The following CDKL1 variants were observed in gnomAD, a reference collection of about 807,000 sequenced individuals.
CDKL1 encodes cyclin-dependent kinase-like 1.
CDKL1 carries 41 observed loss-of-function variants against 42.0 expected under a neutral mutation model. The observed-to-expected ratio is 0.98, with a 90% CI of 0.76 to 1.27. The LOEUF (loss-of-function observed/expected upper bound fraction) is 1.27. Among genes scored for constraint, CDKL1 ranks in the 50% most tolerant of loss-of-function variants. The pLI, the probability that CDKL1 is intolerant of heterozygous loss-of-function variation, is 0.00. For missense variants in CDKL1, 394 were observed against 428.4 expected, an observed-to-expected ratio of 0.92 and a Z score of 0.71; for synonymous variants, 153 against 158.6, an observed-to-expected ratio of 0.96 and a Z score of 0.26.
At chr14:50,376,197 C>A in intron 2 of CDKL1, 1 of 281,242 alleles carries the variant, frequency 3.6e-6, no homozygotes, top group Non-Finnish European at 7.5e-6. Flanking sequence ...GTAACTATAC[C>A]ATGCTAATAT....
At chr14:50,372,262 C>T (rs1351457125) in intron 2 of CDKL1, among the ~76,000 whole-genome samples, 6 of 152,124 alleles carry the variant, frequency 3.9e-5, no homozygotes, top group Admixed American at 1.3e-4. Flanking sequence ...GGATTACAGG[C>T]GTGCACCACC....
Position 50,340,683 on chromosome 14 carries a change from G to A in CDKL1, c.655+349C>T, listed in dbSNP as rs959687054. 7.2e-5 allele frequency among the ~76,000 whole-genome samples: 11 copies of A among 152,260 alleles called. 1 individual carries two copies. The South Asian group carries it at 1.2e-3, about 17-fold the overall frequency. On this transcript the variant is annotated intron_variant, in intron 6 of 9. Transcript: ENST00000395834. ...GGACATCCAAATGGATTACCCCATCGTCATAAACAAGGTAAACCATGAAAG... is the reference window on the plus strand; with the variant it reads ...GGACATCCAAATGGATTACCCCATCATCATAAACAAGGTAAACCATGAAAG...
Position 50,327,267 on chromosome 14 carries a change from CGAG to C in CDKL1, c.*2804_*2806del, listed in dbSNP as rs1206498631. On this transcript the variant is annotated 3_prime_UTR_variant, in exon 10 of 10. Transcript: ENST00000395834. ...GGAGGATCAGTTGAGCCCGGGAAGT[CGAG>C]GCTGCAGTGAGCCATGTTGGCACCA... is the stretch of plus-strand genomic sequence containing the variant. 1 of 148,960 alleles carries C rather than the reference CGAG, an allele frequency of 6.7e-6. No homozygotes were observed. The highest frequency in any genetic ancestry group is 1.5e-5 in the Non-Finnish European group (1 of 67,618). The allele number at this position is 148,960 out of a possible 1,614,324, so 9.2% of individuals were successfully genotyped here.
chr14:50,362,888 A>C (rs539934019), intron 2 of CDKL1: 1 of 426,466 alleles, frequency 2.3e-6, no homozygotes, highest in Admixed American at 2.4e-5. Context: ...GTGGCAACCT[A>C]CCCTGGGCAC....
At chr14:50,382,628 TCTGTCACC>T (rs1387229232) in intron 2 of CDKL1, among the ~76,000 whole-genome samples, 2 of 141,778 alleles carry the variant, frequency 1.4e-5, no homozygotes, top group African/African-American at 5.3e-5. Context: ...AGGGTCTCAC[TCTGTCACC>T]CAGGTGGGAG....
chr14:50,378,607 C>A (rs1000427337), intron 2 of CDKL1, among the ~76,000 whole-genome samples: 1 of 152,048 alleles, frequency 6.6e-6, no homozygotes, highest in African/African-American at 2.4e-5. Context: ...GATCATCGCT[C>A]CCTGCAGCCT....
intron 2 of CDKL1, among the ~76,000 whole-genome samples, chr14:50,385,600 T>A (rs575224299): frequency 1.3e-5 from 2 of 151,866 alleles, no homozygotes; most frequent in Non-Finnish European, 2.9e-5. Context: ...GGTCAGGAGT[T>A]AAAGACCAGC....
At chr14:50,332,903 CTTT>C (rs35560184) in intron 8 of CDKL1, 20,506 of 260,394 alleles carry the variant, frequency 0.079, 7 homozygotes, top group East Asian at 0.13. Context: ...AAATCAGCTA[CTTT>C]TTTTTTTTTT....
chr14:50,377,395 G>T, intron 2 of CDKL1: 1 of 224,934 alleles, frequency 4.4e-6, no homozygotes, highest in Non-Finnish European at 8.3e-6. Flanking sequence ...CCCGTTCCTG[G>T]TTACATTGGG....
intron 2 of CDKL1, chr14:50,378,366 G>C (rs1370976970): frequency 7.3e-7 from 1 of 1,366,368 alleles, no homozygotes; most frequent in Admixed American, 1.9e-5. Flanking sequence ...AGAATGACAA[G>C]ACCTGCCTCA....
chr14:50,347,256 A>AG (rs1454125945), intron 3 of CDKL1, among the ~76,000 whole-genome samples: 1 of 152,168 alleles, frequency 6.6e-6, no homozygotes, highest in Non-Finnish European at 1.5e-5. Flanking sequence ...TCATAATAAG[A>AG]GGGGCCAGTT....
At chr14:50,376,693 C>T (rs1467848551) in intron 2 of CDKL1, among the ~76,000 whole-genome samples, 1 of 151,890 alleles carries the variant, frequency 6.6e-6, no homozygotes, top group East Asian at 1.9e-4. Flanking sequence ...TTTTAAAATC[C>T]TTCCATTTTC....
At chr14:50,354,746 G>A (rs1463088948) in intron 3 of CDKL1, among the ~76,000 whole-genome samples, 1 of 152,162 alleles carries the variant, frequency 6.6e-6, no homozygotes, top group Non-Finnish European at 1.5e-5. Flanking sequence ...GCAACATGAA[G>A]TTGGATCTTC....
At chr14:50,341,838 C>T in intron 5 of CDKL1, among the ~76,000 whole-genome samples, 1 of 151,614 alleles carries the variant, frequency 6.6e-6, no homozygotes, top group East Asian at 1.9e-4. Flanking sequence ...GGTTGAAAGC[C>T]ACTATTCTAA....
Position 50,359,014 on chromosome 14 carries a change from G to T in CDKL1, c.290+14C>A. 6.2e-7 allele frequency: 1 copy of T among 1,607,142 alleles called. No individual in the cohort carries two copies. The highest frequency in any genetic ancestry group is 8.5e-7 in the Non-Finnish European group (1 of 1,175,914). On this transcript the variant is annotated intron_variant, in intron 3 of 9. Coordinates refer to ENST00000395834, the MANE Select transcript of CDKL1 (RefSeq NM_004196.7). ...GTGTGTCTTTGTTTTGCTTGTAAGG[G>T]ATGGATCACTCACCCTCTTTGGTAT...
chr14:50,341,030 A>G lies in CDKL1; in HGVS notation c.655+2T>C, dbSNP rs993740674. 6.2e-7 allele frequency: 1 copy of G among 1,611,540 alleles called. No individual in the cohort carries two copies. The highest frequency in any genetic ancestry group is 8.5e-7 in the Non-Finnish European group (1 of 1,180,000). On this transcript the variant is annotated splice_donor_variant, in intron 6 of 9. Transcript: ENST00000395834. LOFTEE classifies it high-confidence loss of function. ...AAAAGGTGGGACAAAAACACCACTT[A>G]CCCAAGGTCTTCCTAATCAGATACA...
At chr14:50,332,696 G>A (rs1595246104) in intron 8 of CDKL1, 3 of 1,532,430 alleles carry the variant, frequency 2.0e-6, no homozygotes, top group Non-Finnish European at 2.6e-6. Context: ...CTCTGCCCTG[G>A]GAGAGTAAGA....
chr14:50,335,569 G>A (rs1490156557), intron 7 of CDKL1: 1 of 1,535,748 alleles, frequency 6.5e-7, no homozygotes, highest in South Asian at 1.2e-5. Context: ...CACTATAAAT[G>A]GGAGGAATGC....
intron 2 of CDKL1, among the ~76,000 whole-genome samples, chr14:50,367,488 T>C (rs1220958440): frequency 3.3e-5 from 5 of 152,208 alleles, no homozygotes; most frequent in Non-Finnish European, 7.3e-5. Flanking sequence ...TTGTGAATGT[T>C]TGCATTCACA....
Sources: allele counts gnomAD v4.1 joint callset (sites outside exome capture counted in the v4.1 genomes callset), GRCh38; gene constraint gnomAD v4.1.1; transcripts MANE v1.5; gene names NCBI Gene and HGNC (gene_info 2026-07-23, HGNC 2026-07-21).